The following SNAP25 variants were observed in gnomAD, a reference collection of about 807,000 sequenced individuals.
SNAP25 encodes synaptosomal-associated protein 25.
In SNAP25, 3 loss-of-function variants were observed where a neutral mutation model predicts 28.7. That is an observed-to-expected ratio of 0.10 (90% CI 0.05 to 0.27). The LOEUF (loss-of-function observed/expected upper bound fraction) is 0.27, where lower values mean the gene tolerates loss of function less well. Ranked by LOEUF, SNAP25 falls within the 10% of genes least tolerant of loss-of-function variation. The pLI is 1.00. For synonymous variants in SNAP25, 61 were observed against 88.1 expected, an observed-to-expected ratio of 0.69 and a Z score of 1.72; for missense variants, 117 against 278.7, an observed-to-expected ratio of 0.42 and a Z score of 4.13.
intron 1 of SNAP25, among the ~76,000 whole-genome samples, chr20:10,273,534 G>A (rs903092523): frequency 6.6e-6 from 1 of 152,156 alleles, no homozygotes; most frequent in Non-Finnish European, 1.5e-5. Context: ...TCTGTCTCAT[G>A]GTCTCATGGC....
intron 4 of SNAP25, among the ~76,000 whole-genome samples, chr20:10,289,233 G>A (rs1055050828): frequency 1.3e-5 from 2 of 152,160 alleles, no homozygotes; most frequent in Non-Finnish European, 2.9e-5. Context: ...GAAACGTACT[G>A]AGCCCTGGAA....
chr20:10,277,580 CAG>C, intron 2 of SNAP25, 103 bp from the exon 3 acceptor site: 1 of 936,796 alleles, frequency 1.1e-6, no homozygotes, highest in Non-Finnish European at 1.6e-6. Flanking sequence ...GAATATGTGA[CAG>C]AGACCCTTTG....
chr20:10,279,537 T>A (rs2123031152), intron 3 of SNAP25, among the ~76,000 whole-genome samples: 1 of 152,346 alleles, frequency 6.6e-6, no homozygotes, highest in African/African-American at 2.4e-5. Flanking sequence ...CACCTTGAAC[T>A]GATCCCTTAC....
At chr20:10,280,999 CT>C (rs1382286891) in intron 3 of SNAP25, among the ~76,000 whole-genome samples, 1 of 152,020 alleles carries the variant, frequency 6.6e-6, no homozygotes, top group Admixed American at 6.6e-5. Flanking sequence ...ATGTTTTAGA[CT>C]TTGGGAAAAG....
intron 1 of SNAP25, among the ~76,000 whole-genome samples, chr20:10,263,180 G>A (rs1287630537): frequency 2.0e-5 from 3 of 151,878 alleles, no homozygotes; most frequent in East Asian, 1.9e-4. Context: ...CACCATGCCC[G>A]GCTAATTTTT....
chr20:10,294,971 C>G (rs1320274594), intron 5 of SNAP25, among the ~76,000 whole-genome samples: 1 of 152,200 alleles, frequency 6.6e-6, no homozygotes, highest in Admixed American at 6.5e-5. Context: ...GCAGGGTCCC[C>G]TGGGATGGAT....
intron 1 of SNAP25, among the ~76,000 whole-genome samples, chr20:10,241,570 T>C (rs1023678780): frequency 6.6e-6 from 1 of 151,714 alleles, no homozygotes; most frequent in South Asian, 2.1e-4. Context: ...AAGTAAGAGA[T>C]TGAAATAGGG....
chr20:10,227,353 G>A (rs2062750878), intron 1 of SNAP25, among the ~76,000 whole-genome samples: 2 of 152,078 alleles, frequency 1.3e-5, no homozygotes, highest in Non-Finnish European at 2.9e-5. Flanking sequence ...ACCTATAACA[G>A]TGCCTGCCAC....
intron 6 of SNAP25, among the ~76,000 whole-genome samples, chr20:10,297,666 G>A (rs535892193): frequency 4.2e-4 from 64 of 152,300 alleles, no homozygotes; most frequent in African/African-American, 1.4e-3. Flanking sequence ...ACTATCAGTA[G>A]AGAAATACAG....
intron 3 of SNAP25, among the ~76,000 whole-genome samples, chr20:10,284,160 G>A (rs573653283): frequency 2.6e-5 from 4 of 152,178 alleles, no homozygotes; most frequent in Admixed American, 1.3e-4. Context: ...GAAAAATGGA[G>A]AGAGAGTGAG....
At chr20:10,246,846 T>C (rs1278080818) in intron 1 of SNAP25, among the ~76,000 whole-genome samples, 1 of 152,182 alleles carries the variant, frequency 6.6e-6, no homozygotes, top group Non-Finnish European at 1.5e-5. Flanking sequence ...TGTTGAGCAT[T>C]TATTGTGTCC....
At chr20:10,270,672 CA>C (rs1475089962) in intron 1 of SNAP25, among the ~76,000 whole-genome samples, 1 of 150,754 alleles carries the variant, frequency 6.6e-6, no homozygotes, top group Admixed American at 6.6e-5. Flanking sequence ...GCACTCCAGC[CA>C]AGGTGACAGA....
rs150778443 is a variant in SNAP25 at position 10,234,459 on chromosome 20, G to A, written c.-64+15482G>A. Among the ~76,000 whole-genome samples the A allele has an allele frequency of 7.2e-5, 11 of 152,284 alleles. No individual in the cohort carries two copies. In the East Asian group the frequency reaches 1.7e-3, roughly 24 times the overall value. ...TGGCTAGTACTGGATTTACAAAATC[G>A]TTAATCTGAAATGCCTTAAGGCAGG... On this transcript the variant is annotated intron_variant, in intron 1 of 7. Coordinates refer to ENST00000254976, the MANE Select transcript of SNAP25 (RefSeq NM_130811.4).
chr20:10,288,068 G>C (rs2063920159), intron 4 of SNAP25, among the ~76,000 whole-genome samples: 1 of 151,962 alleles, frequency 6.6e-6, no homozygotes, highest in Non-Finnish European at 1.5e-5. Flanking sequence ...TAAATGATGA[G>C]TTAATGGGTG....
intron 4 of SNAP25, among the ~76,000 whole-genome samples, chr20:10,289,896 T>G (rs1368900644): frequency 6.6e-6 from 1 of 151,850 alleles, no homozygotes; most frequent in South Asian, 2.1e-4. Context: ...CATTGGTGGA[T>G]CTATCACAAA....
At chr20:10,264,411 T>C (rs2063471359) in intron 1 of SNAP25, among the ~76,000 whole-genome samples, 1 of 152,196 alleles carries the variant, frequency 6.6e-6, no homozygotes, top group South Asian at 2.1e-4. Flanking sequence ...TTAATGCTAG[T>C]GCCTCTTCTC....
chr20:10,223,845 T>C (rs967052390), intron 1 of SNAP25, among the ~76,000 whole-genome samples: 1 of 152,182 alleles, frequency 6.6e-6, no homozygotes, highest in Admixed American at 6.5e-5. Context: ...GTCCAAGGAA[T>C]TTCTGATTTC....
intron 1 of SNAP25, among the ~76,000 whole-genome samples, chr20:10,258,799 A>C (rs1262444803): frequency 6.6e-6 from 1 of 152,288 alleles, no homozygotes; most frequent in Middle Eastern, 3.4e-3. Flanking sequence ...GAGACACTTT[A>C]TCATCATGTG....
chr20:10,299,104 T>A (rs363003), intron 6 of SNAP25, among the ~76,000 whole-genome samples, 164 bp from the exon 7 acceptor site: 2 of 152,270 alleles, frequency 1.3e-5, no homozygotes, highest in African/African-American at 4.8e-5. Context: ...TTAAACATTT[T>A]TTTTAAATGT....
Sources: gnomAD v4.1 joint callset for allele counts (sites outside exome capture counted in the v4.1 genomes callset) on GRCh38, gnomAD v4.1.1 for gene constraint, MANE v1.5 for transcripts, NCBI Gene and HGNC (gene_info 2026-07-23, HGNC 2026-07-21) for gene names.